FER1L6: variants seen among roughly 807,000 people sequenced by gnomAD.
The protein encoded by FER1L6 is fer-1-like protein 6.
A neutral mutation model predicts 219.2 loss-of-function variants in FER1L6; 177 were observed. The ratio of observed to expected loss-of-function variants is 0.81; its 90% CI spans 0.71 to 0.91. The LOEUF (loss-of-function observed/expected upper bound fraction) is 0.91. Ranked by LOEUF, FER1L6 falls within the 40% of genes least tolerant of loss-of-function variation. FER1L6 has a pLI of 0.00. For missense variants in FER1L6, 2,153 were observed against 2,259.9 expected, an observed-to-expected ratio of 0.95 and a Z score of 0.96; for synonymous variants, 768 against 824.3, an observed-to-expected ratio of 0.93 and a Z score of 1.17.
intron 13 of FER1L6, among the ~76,000 whole-genome samples, chr8:124,008,230 CAT>C (rs1817756868): frequency 1.3e-5 from 2 of 152,182 alleles, no homozygotes; most frequent in Non-Finnish European, 2.9e-5. Flanking sequence ...CACTTAGAAT[CAT>C]AGTCTCCAAT....
chr8:123,885,132 T>C (rs1432783856), intron 1 of FER1L6, among the ~76,000 whole-genome samples: 2 of 152,104 alleles, frequency 1.3e-5, no homozygotes. Flanking sequence ...GGGGATTCCA[T>C]CCTTGAGCCT....
rs1255382948 is a variant in FER1L6 at position 123,856,292 on chromosome 8, GTA to G, written c.-8+4123_-8+4124del. 4.3e-3 allele frequency among the ~76,000 whole-genome samples: 290 copies of G among 67,414 alleles called. 36 individuals carry two copies. The highest frequency in any genetic ancestry group is 6.1e-3 in the East Asian group (20 of 3,284). The allele number at this position is 67,414 out of a possible 152,430, so 44.2% of individuals were successfully genotyped here. On this transcript the variant is annotated intron_variant, in intron 1 of 40. Coordinates refer to ENST00000522917, the MANE Select transcript of FER1L6 (RefSeq NM_001039112.2). ...TGTATATGTGTATATATGTGTGTGT[GTA>G]TATATATATATATATGTATGTGTAT...
intron 12 of FER1L6, among the ~76,000 whole-genome samples, chr8:123,990,820 A>G (rs1228216039): frequency 1.3e-5 from 2 of 152,082 alleles, no homozygotes; most frequent in Non-Finnish European, 2.9e-5. Flanking sequence ...AGATTGTTCT[A>G]TGTTTTCTTC....
intron 28 of FER1L6, among the ~76,000 whole-genome samples, chr8:124,068,079 G>A (rs935122203): frequency 1.3e-5 from 2 of 152,142 alleles, no homozygotes; most frequent in Admixed American, 6.5e-5. Flanking sequence ...TGTAGAAACC[G>A]TAGAATAAAA....
chr8:123,933,382 G>A (rs1813853925), intron 1 of FER1L6, among the ~76,000 whole-genome samples: 2 of 127,602 alleles, frequency 1.6e-5, no homozygotes, highest in African/African-American at 3.2e-5. Context: ...GTGTGTCTGT[G>A]TGTGTGTGTG....
In FER1L6 at chr8:123,853,084, T is replaced by TC. The variant is rs1309782333; in HGVS notation, c.-8+901dup. ...GTCTCAAACTCCTGGGCTCAAGCGA[T>TC]CCTCCTGCCTCAGCCTTCCAAAGTG... On this transcript the variant is annotated intron_variant, in intron 1 of 40. Coordinates refer to ENST00000522917, the MANE Select transcript of FER1L6 (RefSeq NM_001039112.2). The surrounding 1 kb of genome is among the most constrained non-coding windows in gnomAD (Gnocchi z 6.6). Among the ~76,000 whole-genome samples the TC allele has an allele frequency of 2.0e-5, 3 of 152,190 alleles. No homozygotes were observed. The highest frequency in any genetic ancestry group is 7.2e-5 in the African/African-American group (3 of 41,440).
At chr8:123,868,995 T>A (rs898433781) in intron 1 of FER1L6, among the ~76,000 whole-genome samples, 1 of 152,120 alleles carries the variant, frequency 6.6e-6, no homozygotes, top group Non-Finnish European at 1.5e-5. Context: ...TGCATCTGGA[T>A]CTAATTTGGG....
At chr8:124,027,635 C>A (rs539664679) in intron 18 of FER1L6, among the ~76,000 whole-genome samples, 2 of 152,350 alleles carry the variant, frequency 1.3e-5, no homozygotes, top group South Asian at 4.1e-4. Flanking sequence ...TCACAGCTCA[C>A]TGTAGCCTTG....
At chr8:123,921,649 G>A (rs576709475) in intron 1 of FER1L6, among the ~76,000 whole-genome samples, 41 of 151,474 alleles carry the variant, frequency 2.7e-4, no homozygotes, top group South Asian at 1.7e-3. Context: ...AGTGTGTGCC[G>A]GGACAGCGGG....
chr8:124,089,544 C>T (rs902964161), intron 33 of FER1L6, among the ~76,000 whole-genome samples: 1 of 152,198 alleles, frequency 6.6e-6, no homozygotes, highest in Non-Finnish European at 1.5e-5. Context: ...CCCAAACTCC[C>T]ACTTTTTACA....
chr8:123,929,048 C>T (rs1355269012), intron 1 of FER1L6, among the ~76,000 whole-genome samples: 1 of 152,096 alleles, frequency 6.6e-6, no homozygotes, highest in Non-Finnish European at 1.5e-5. Context: ...AATGAGGTCT[C>T]CTGAGGATTA....
intron 14 of FER1L6, 68 bp downstream of exon 14, chr8:124,010,782 C>A (rs1417686482): frequency 3.1e-6 from 5 of 1,588,238 alleles, no homozygotes; most frequent in Non-Finnish European, 4.3e-6. Context: ...TTTTTAAAAT[C>A]CACCTAGTAG....
chr8:124,046,741 G>A (rs1334121607), intron 21 of FER1L6: 5 of 152,238 alleles, frequency 3.3e-5, no homozygotes. Flanking sequence ...AAGGGGAGCG[G>A]AGACCTTGGA....
At chr8:123,950,173 T>A (rs1269322938) in intron 1 of FER1L6, among the ~76,000 whole-genome samples, 1 of 152,182 alleles carries the variant, frequency 6.6e-6, no homozygotes, top group African/African-American at 2.4e-5. Context: ...CTGTACTGCA[T>A]TGTTGACTTG....
intron 7 of FER1L6, 21 bp from the exon 8 acceptor site, chr8:123,975,129 G>A (rs375009628): frequency 2.4e-5 from 38 of 1,565,800 alleles, no homozygotes; most frequent in African/African-American, 4.1e-5. Flanking sequence ...AAGGATGTGA[G>A]CTGTCAGGGT....
At chr8:124,050,682 G>C (rs538648447) in intron 22 of FER1L6, among the ~76,000 whole-genome samples, 1 of 152,122 alleles carries the variant, frequency 6.6e-6, no homozygotes, top group South Asian at 2.1e-4. Flanking sequence ...CTGGAGGCTG[G>C]GAAGTCCAAG....
rs764618011 is a variant in FER1L6, at chr8:123,865,785, ACT to A, written c.-8+13602_-8+13603del. On this transcript the variant is annotated intron_variant, in intron 1 of 40. Coordinates refer to ENST00000522917, the MANE Select transcript of FER1L6 (RefSeq NM_001039112.2). The stretch of plus-strand genomic sequence containing the variant: ...CCCCTTTCTTTGACTCGGAAAGGGA[ACT>A]CCCTGACCACTTGCGCTTCCCAGGT... Among the ~76,000 whole-genome samples, 5 of 151,076 alleles carry A rather than the reference ACT, an allele frequency of 3.3e-5. 1 individual carries two copies. Among genetic ancestry groups the A allele is most frequent in the African/African-American group, 4.9e-5 (2 of 40,484 alleles).
intron 9 of FER1L6, among the ~76,000 whole-genome samples, chr8:123,976,672 G>A (rs889096683): frequency 1.3e-5 from 2 of 152,126 alleles, no homozygotes; most frequent in African/African-American, 2.4e-5. Flanking sequence ...TCTCTGAGCT[G>A]TTTATTCAGT....
intron 1 of FER1L6, among the ~76,000 whole-genome samples, chr8:123,911,378 T>G (rs1311715141): frequency 6.6e-6 from 1 of 152,190 alleles, no homozygotes; most frequent in Non-Finnish European, 1.5e-5. Flanking sequence ...TGCTAATAAC[T>G]GCAGCTACCA....
Sources: allele counts gnomAD v4.1 joint callset (sites outside exome capture counted in the v4.1 genomes callset), GRCh38; gene constraint gnomAD v4.1.1; non-coding constraint Gnocchi (gnomAD v3.1); transcripts MANE v1.5; gene names NCBI Gene and HGNC (gene_info 2026-07-23, HGNC 2026-07-21).